NREP: variants seen among roughly 807,000 people sequenced by gnomAD.
NREP encodes neuronal regeneration related protein, also known as neuronal regeneration-related protein.
In NREP, 5 loss-of-function variants were observed where a neutral mutation model predicts 8.6. That is an observed-to-expected ratio of 0.58 (90% CI 0.30 to 1.22). The LOEUF is 1.22. Among genes scored for constraint, NREP ranks in the 50% most tolerant of loss-of-function variants. The pLI is 0.07. For synonymous variants in NREP, 27 were observed against 28.0 expected (o/e 0.96, Z 0.11); for missense variants, 86 against 82.5 (o/e 1.04, Z -0.17).
At chr5:111,935,029 A>C (rs1755644243) in intron 2 of NREP, among the ~76,000 whole-genome samples, 2 of 152,136 alleles carry the variant, frequency 1.3e-5, no homozygotes, top group Non-Finnish European at 2.9e-5. Context: ...CATCAGGGAA[A>C]GAAATAGTAC....
At chr5:111,949,267 C>A (rs752138034) in intron 2 of NREP, among the ~76,000 whole-genome samples, 25 of 151,818 alleles carry the variant, frequency 1.6e-4, no homozygotes, top group African/African-American at 7.3e-5. Flanking sequence ...TTGAATGAGA[C>A]AAAGAGTTGA....
At chr5:111,891,687 A>G (rs909696745) in intron 2 of NREP, among the ~76,000 whole-genome samples, 2 of 152,224 alleles carry the variant, frequency 1.3e-5, no homozygotes, top group African/African-American at 4.8e-5. Flanking sequence ...GAAGCTTGGA[A>G]TCAAGTGAGA....
chr5:111,908,376 T>C (rs1228572412), intron 2 of NREP, among the ~76,000 whole-genome samples: 1 of 152,016 alleles, frequency 6.6e-6, no homozygotes, highest in East Asian at 1.9e-4. Context: ...ATTGATCCCA[T>C]CACGCAGGTA....
intron 2 of NREP, chr5:111,846,525 C>T (rs1243263874): frequency 7.1e-6 from 1 of 140,978 alleles, no homozygotes; most frequent in African/African-American, 2.6e-5. Context: ...TCATTGATCT[C>T]TTGGGCTCTT....
chr5:111,740,318 A>G (rs1215978235), intron 2 of NREP, among the ~76,000 whole-genome samples: 1 of 152,148 alleles, frequency 6.6e-6, no homozygotes, highest in Non-Finnish European at 1.5e-5. Flanking sequence ...ACTTAAACCC[A>G]CTATATATTT....
intron 2 of NREP, among the ~76,000 whole-genome samples, chr5:111,934,635 G>A (rs1755631342): frequency 6.6e-6 from 1 of 152,044 alleles, no homozygotes; most frequent in African/African-American, 2.4e-5. Context: ...TGACTCTCAG[G>A]AGGAATGTAT....
At chr5:111,887,202 G>C (rs1480070349) in intron 2 of NREP, among the ~76,000 whole-genome samples, 1 of 152,026 alleles carries the variant, frequency 6.6e-6, no homozygotes, top group Non-Finnish European at 1.5e-5. Context: ...GAGATTACAG[G>C]TGTAAACTAC....
chr5:111,897,291 A>G (rs1282625679), intron 2 of NREP, among the ~76,000 whole-genome samples: 4 of 152,204 alleles, frequency 2.6e-5, no homozygotes, highest in African/African-American at 9.6e-5. Flanking sequence ...TTCAGAAAAT[A>G]ACTGGAACAC....
chr5:111,853,303 A>G (rs527281400), intron 2 of NREP, among the ~76,000 whole-genome samples: 1 of 152,210 alleles, frequency 6.6e-6, no homozygotes, highest in Non-Finnish European at 1.5e-5. Context: ...TCTTTATCGT[A>G]CTGCAGTGGT....
At chr5:111,917,092 T>C (rs1016493409) in intron 2 of NREP, among the ~76,000 whole-genome samples, 3 of 152,120 alleles carry the variant, frequency 2.0e-5, no homozygotes, top group Non-Finnish European at 4.4e-5. Flanking sequence ...TTTCCCATGA[T>C]TCTTTCCTTA....
chr5:111,766,767 C>G (rs1249431782), intron 2 of NREP, among the ~76,000 whole-genome samples: 1 of 152,204 alleles, frequency 6.6e-6, no homozygotes, highest in African/African-American at 2.4e-5. Context: ...AGCTGGGTTT[C>G]CTTCTGGTTC....
chr5:111,804,964 G>A (rs1388678331), intron 2 of NREP, among the ~76,000 whole-genome samples: 1 of 152,032 alleles, frequency 6.6e-6, no homozygotes, highest in Non-Finnish European at 1.5e-5. Flanking sequence ...TGGCGCCACT[G>A]CACTCTAGCC....
At chr5:111,807,739 A>C (rs1418957898) in intron 2 of NREP, among the ~76,000 whole-genome samples, 1 of 152,210 alleles carries the variant, frequency 6.6e-6, no homozygotes, top group Non-Finnish European at 1.5e-5. Flanking sequence ...ACATTTATAA[A>C]ATTTCCACAG....
chr5:111,808,950 T>A (rs1186390179), intron 2 of NREP, among the ~76,000 whole-genome samples: 3 of 152,238 alleles, frequency 2.0e-5, no homozygotes, highest in African/African-American at 7.2e-5. Flanking sequence ...ACTATTATAA[T>A]TATGTTATAA....
intron 2 of NREP, among the ~76,000 whole-genome samples, chr5:111,858,118 A>G (rs1415147997): frequency 6.6e-6 from 1 of 152,118 alleles, no homozygotes; most frequent in African/African-American, 2.4e-5. Context: ...CGTTGCCGGG[A>G]ACTTGATAGA....
chr5:111,936,957 G>A (rs1288466302), intron 2 of NREP, among the ~76,000 whole-genome samples: 1 of 151,976 alleles, frequency 6.6e-6, no homozygotes, highest in Non-Finnish European at 1.5e-5. Context: ...CTTGGACAGT[G>A]GGCTCTCCTA....
chr5:111,943,110 C>T (rs1755878148), intron 2 of NREP, among the ~76,000 whole-genome samples: 1 of 151,956 alleles, frequency 6.6e-6, no homozygotes, highest in Admixed American at 6.6e-5. Flanking sequence ...GCTTTCTAGG[C>T]AGCTATGACA....
intron 2 of NREP, among the ~76,000 whole-genome samples, chr5:111,950,488 C>T (rs746915015): frequency 4.6e-5 from 7 of 152,034 alleles, no homozygotes; most frequent in South Asian, 2.1e-4. Flanking sequence ...TATGCATGGG[C>T]GAAGCCTTCA....
chr5:111,765,514 T>C (rs4957620), intron 2 of NREP, among the ~76,000 whole-genome samples: 54,666 of 152,142 alleles, frequency 0.36, 10,121 homozygotes, highest in Admixed American at 0.41. Flanking sequence ...TTCTGTGACA[T>C]AGGTATCATC....
Sources: gnomAD v4.1 joint callset for allele counts (sites outside exome capture counted in the v4.1 genomes callset) on GRCh38, gnomAD v4.1.1 for gene constraint, MANE v1.5 for transcripts, NCBI Gene and HGNC (gene_info 2026-07-23, HGNC 2026-07-21) for gene names.